WDR27: variants seen among roughly 807,000 people sequenced by gnomAD.
The protein encoded by WDR27 is WD repeat domain 27.
WDR27 carries 100 observed loss-of-function variants against 114.4 expected under a neutral mutation model. That is an observed-to-expected ratio of 0.87 (90% CI 0.74 to 1.03). WDR27 has a LOEUF of 1.03. Ranked by LOEUF, WDR27 falls within the 50% of genes least tolerant of loss-of-function variation. The pLI is 0.00. For missense variants in WDR27, 1,129 were observed against 1,092.9 expected, an observed-to-expected ratio of 1.03 and a Z score of -0.47; for synonymous variants, 449 against 423.1, an observed-to-expected ratio of 1.06 and a Z score of -0.75.
chr6:169,573,426 T>C (rs1432537740), intron 24 of WDR27, among the ~76,000 whole-genome samples: 2 of 152,190 alleles, frequency 1.3e-5, no homozygotes, highest in Non-Finnish European at 2.9e-5. Context: ...AGTCCACTTA[T>C]AGATGGATTA....
intron 25 of WDR27, among the ~76,000 whole-genome samples, chr6:169,513,596 T>TA (rs1035944419): frequency 1.8e-4 from 27 of 151,838 alleles, no homozygotes; most frequent in Non-Finnish European, 3.2e-4. Context: ...AACCAGGCAC[T>TA]AAGTAGGAGA....
chr6:169,632,236 G>A (rs183691457), intron 21 of WDR27, among the ~76,000 whole-genome samples: 2 of 151,410 alleles, frequency 1.3e-5, no homozygotes, highest in East Asian at 3.9e-4. Context: ...TTAACCTGTG[G>A]ATAACAAAGT....
chr6:169,554,688 C>T (rs1374614346), intron 25 of WDR27, among the ~76,000 whole-genome samples: 1 of 152,134 alleles, frequency 6.6e-6, no homozygotes, highest in Non-Finnish European at 1.5e-5. Context: ...GCACCACCAC[C>T]CTCTGTGCTG....
At chr6:169,627,112 G>A (rs1033460869) in intron 21 of WDR27, among the ~76,000 whole-genome samples, 4 of 152,118 alleles carry the variant, frequency 2.6e-5, no homozygotes, top group African/African-American at 7.2e-5. Flanking sequence ...TGATTTCCTC[G>A]ATAACTCCTC....
chr6:169,639,974 G>A (rs1818755619), intron 17 of WDR27, among the ~76,000 whole-genome samples: 1 of 152,178 alleles, frequency 6.6e-6, no homozygotes, highest in South Asian at 2.1e-4. Context: ...GAGGGCGAGA[G>A]GGGACGAGCT....
At chr6:169,536,725 T>C (rs1446886503) in intron 25 of WDR27, among the ~76,000 whole-genome samples, 1 of 152,014 alleles carries the variant, frequency 6.6e-6, no homozygotes, top group Non-Finnish European at 1.5e-5. Flanking sequence ...ACCAGAAATC[T>C]CACCTAGGAC....
rs1187499353 is a variant in WDR27 at position 169,667,218 on chromosome 6, G to A, written c.661-31C>T. ...GATAAACACAGGATTCTTTAGAAGA[G>A]GTAACAACGTTGCCATTATTGCAAC... On this transcript the variant is annotated intron_variant, in intron 5 of 25. Coordinates refer to ENST00000448612, the MANE Select transcript of WDR27 (RefSeq NM_182552.5). 2.0e-6 allele frequency: 3 copies of A among 1,467,542 alleles called. No individual in the cohort carries two copies. In the African/African-American group the frequency reaches 4.3e-5, roughly 21 times the overall value. 90.9% of individuals were successfully genotyped at this position (1,467,542 alleles called of 1,614,324 possible). A position where few individuals can be genotyped will look rare whatever the true frequency, so the allele number is the denominator to read the frequency against.
intron 25 of WDR27, among the ~76,000 whole-genome samples, chr6:169,503,353 G>A (rs1232154819): frequency 3.9e-5 from 6 of 152,296 alleles, no homozygotes; most frequent in East Asian, 1.9e-4. Context: ...GTATGTAATC[G>A]TAGGTCCAAA....
intron 25 of WDR27, among the ~76,000 whole-genome samples, chr6:169,476,051 G>T (rs553430874): frequency 1.3e-5 from 2 of 152,272 alleles, no homozygotes; most frequent in South Asian, 4.1e-4. Context: ...TGCAGCTGTT[G>T]GGAGAAAAGC....
At chr6:169,543,778 A>T (rs565073160) in intron 25 of WDR27, among the ~76,000 whole-genome samples, 50 of 152,300 alleles carry the variant, frequency 3.3e-4, no homozygotes, top group African/African-American at 1.1e-3. Context: ...AGGTTATGTG[A>T]GTTGTGAAAC....
At chr6:169,586,431 T>G (rs1196484461) in intron 23 of WDR27, among the ~76,000 whole-genome samples, 1 of 110,600 alleles carries the variant, frequency 9.0e-6, no homozygotes, top group Non-Finnish European at 2.5e-5. Context: ...TCCATAGGGT[T>G]CCATGTGTAA....
chr6:169,575,617 G>A lies in WDR27; in HGVS notation c.2524-3077C>T, dbSNP rs540263845. ...CTAACATCCTACTCTCCTCAATAAC[G>A]CAGCCCGCTCTCTAGGCCAACACAT... On this transcript the variant is annotated intron_variant, in intron 24 of 25. Transcript: ENST00000448612. 7.2e-5 allele frequency among the ~76,000 whole-genome samples: 11 copies of A among 152,264 alleles called. No individual in the cohort carries two copies. In the South Asian group the frequency reaches 2.1e-3, roughly 29 times the overall value.
At chr6:169,473,897 G>T (rs1373393457) in intron 25 of WDR27, among the ~76,000 whole-genome samples, 1 of 152,194 alleles carries the variant, frequency 6.6e-6, no homozygotes, top group Non-Finnish European at 1.5e-5. Flanking sequence ...CAGCTATCAG[G>T]TTTCACCTTT....
intron 25 of WDR27, among the ~76,000 whole-genome samples, chr6:169,502,488 TA>T (rs1313535585): frequency 6.6e-6 from 1 of 152,198 alleles, no homozygotes; most frequent in Non-Finnish European, 1.5e-5. Context: ...CTGTAGGTCG[TA>T]AGTCCCGAAT....
chr6:169,440,437 T>C, the WDR27 span, among the ~76,000 whole-genome samples: 1 of 152,166 alleles, frequency 6.6e-6, no homozygotes, highest in Non-Finnish European at 1.5e-5. Flanking sequence ...ACGCCTAGTG[T>C]GTGGGCTACA....
At chr6:169,462,456 G>A (rs1038223847) in intron 25 of WDR27, among the ~76,000 whole-genome samples, 3 of 151,958 alleles carry the variant, frequency 2.0e-5, no homozygotes, top group African/African-American at 7.3e-5. Flanking sequence ...GAAGGAGACA[G>A]AGAGAGGGAG....
intron 14 of WDR27, among the ~76,000 whole-genome samples, chr6:169,651,183 C>CGGGGGGGGGGGGGG (rs763059214): frequency 1.3e-4 from 1 of 7,728 alleles, no homozygotes. Context: ...CAGTGCGGGG[C>CGGGGGGGGGGGGGG]GGGGGGGGGG....
chr6:169,597,345 C>A (rs1470471985), intron 23 of WDR27, among the ~76,000 whole-genome samples: 1 of 150,278 alleles, frequency 6.7e-6, no homozygotes, highest in East Asian at 1.9e-4. Context: ...GTTTTTTTTT[C>A]TTGATTTTTT....
chr6:169,667,803 C>T (rs1254239140), intron 5 of WDR27, among the ~76,000 whole-genome samples, 179 bp downstream of exon 5: 1 of 152,246 alleles, frequency 6.6e-6, no homozygotes, highest in Non-Finnish European at 1.5e-5. Context: ...GCGGCCCCGG[C>T]AAAACATCCG....
Sources: allele counts gnomAD v4.1 joint callset (sites outside exome capture counted in the v4.1 genomes callset), GRCh38; gene constraint gnomAD v4.1.1; transcripts MANE v1.5; gene names NCBI Gene and HGNC (gene_info 2026-07-23, HGNC 2026-07-21).